Variants in RPF1 observed in about 807,000 individuals in gnomAD.
RPF1 encodes ribosome production factor 1.
In RPF1, 34 loss-of-function variants were observed where a neutral mutation model predicts 41.9. The observed-to-expected ratio is 0.81, with a 90% CI of 0.62 to 1.08. The LOEUF is 1.08. Ranked by LOEUF, RPF1 falls within the 50% of genes least tolerant of loss-of-function variation. The pLI is 0.00. For synonymous variants in RPF1, 140 were observed against 148.9 expected, an observed-to-expected ratio of 0.94 and a Z score of 0.43; for missense variants, 425 against 435.2, an observed-to-expected ratio of 0.98 and a Z score of 0.21.
Position 84,495,398 on chromosome 1 carries a change from A to G in RPF1, c.642A>G (p.Pro214=), listed in dbSNP as rs760478215. The change falls in exon 6 of 9, where the codon CCA becomes CCG. Residue 214 remains proline, a synonymous_variant. Transcript: ENST00000370654. The part of the protein sequence containing the change: ...TPNGLILSHL[P]NGPTAHFKMS... ...ATGGACTTATTTTGAGTCACTTGCC[A>G]AATGGCCCAACTGCTCATTTTAAAA... is the stretch of plus-strand genomic sequence containing the variant. 7 of 1,528,170 alleles carry G rather than the reference A, an allele frequency of 4.6e-6. No individual in the cohort carries two copies. Among genetic ancestry groups the G allele is most frequent in the Non-Finnish European group, 5.4e-6 (6 of 1,114,502 alleles). The allele number at this position is 1,528,170 out of a possible 1,614,324, so 94.7% of individuals were successfully genotyped here.
In RPF1 at chr1:84,497,915, G is replaced by A. The variant is rs1681972843; in HGVS notation, c.*445G>A. The A allele has an allele frequency of 1.3e-5, 2 of 152,832 alleles. No individual in the cohort carries two copies. Among genetic ancestry groups the A allele is most frequent in the African/African-American group, 4.8e-5 (2 of 41,412 alleles). The allele number at this position is 152,832 out of a possible 1,614,324, so 9.5% of individuals were successfully genotyped here. The stretch of plus-strand genomic sequence containing the variant: ...TAACATTCTCTTAAGCCTTCAGAAG[G>A]GTAAAAAATTTAAAGCAAAATGATC... On this transcript the variant is annotated 3_prime_UTR_variant, in exon 9 of 9. Coordinates refer to ENST00000370654, the MANE Select transcript of RPF1 (RefSeq NM_025065.7).
intron 5 of RPF1, among the ~76,000 whole-genome samples, chr1:84,490,814 T>C (rs1348564081): frequency 6.6e-6 from 1 of 152,082 alleles, no homozygotes; most frequent in Non-Finnish European, 1.5e-5. Flanking sequence ...CAGGATATAG[T>C]GGGGACCCTG....
intron 8 of RPF1, among the ~76,000 whole-genome samples, chr1:84,496,986 C>G (rs968367645): frequency 6.6e-6 from 1 of 152,008 alleles, no homozygotes. Flanking sequence ...ATTCTCCTGC[C>G]TCAGCCTCCC....
intron 5 of RPF1, among the ~76,000 whole-genome samples, chr1:84,491,821 T>C (rs1681840562): frequency 6.6e-6 from 1 of 152,204 alleles, no homozygotes; most frequent in African/African-American, 2.4e-5. Flanking sequence ...GGGTGTTTTA[T>C]ATAGTCACAC....
At position 84,483,011 on chromosome 1, in the gene RPF1, T is replaced by TAACATTAGTTAGAAGTC; in HGVS notation, c.366+16_366+17insAACATTAGTTAGAAGTC. The TAACATTAGTTAGAAGTC allele has an allele frequency of 2.8e-6, 4 of 1,433,486 alleles. No homozygotes were observed. Among genetic ancestry groups the TAACATTAGTTAGAAGTC allele is most frequent in the Non-Finnish European group, 3.9e-6 (4 of 1,015,606 alleles). 88.8% of individuals were successfully genotyped at this position (1,433,486 alleles called of 1,614,324 possible). A position where few individuals can be genotyped will look rare whatever the true frequency, so the allele number is the denominator to read the frequency against. ...TGATGAAGAGGTAATGTTAGAAGTCTTAAATTAGTTTGAATGATCACATAT... is the reference window on the plus strand; with the variant it reads ...TGATGAAGAGGTAATGTTAGAAGTCTAACATTAGTTAGAAGTCTAAATTAGTTTGAATGATCACATAT... On this transcript the variant is annotated intron_variant, in intron 3 of 8. Transcript: ENST00000370654.
rs969742097 is a variant in RPF1 at position 84,492,603 on chromosome 1, A to G, written c.616+2131A>G. Among the ~76,000 whole-genome samples, 76 of 152,354 alleles carry G rather than the reference A, an allele frequency of 5.0e-4. 1 individual carries two copies. Among genetic ancestry groups the G allele is most frequent in the African/African-American group, 1.8e-3 (76 of 41,586 alleles). On this transcript the variant is annotated intron_variant, in intron 5 of 8. Coordinates refer to ENST00000370654, the MANE Select transcript of RPF1 (RefSeq NM_025065.7). The stretch of plus-strand genomic sequence containing the variant: ...TCACATTAAATGTATTATGTTTATA[A>G]AGCATAGTGTCTGGCACATGGTAGG...
chr1:84,497,254 A>T (rs1021531215), intron 8 of RPF1, among the ~76,000 whole-genome samples, 175 bp from the exon 9 acceptor site: 3 of 151,718 alleles, frequency 2.0e-5, no homozygotes, highest in Non-Finnish European at 4.4e-5. Flanking sequence ...GTAACTGCCA[A>T]CATCTTTTAT....
rs201871326 is a variant in RPF1 at position 84,496,338 on chromosome 1, T to G, written c.976T>G (p.Ser326Ala). 86 of 1,612,716 alleles carry G rather than the reference T, an allele frequency of 5.3e-5. No individual in the cohort carries two copies. The African/African-American group carries it at 8.8e-4, about 17-fold the overall frequency. Residue 326 changes from serine to alanine, a missense_variant, in exon 8 of 9, where the codon TCT becomes GCT. Transcript: ENST00000370654. Reference sequence around the variant, plus strand: ...GTCTCTTCAGAAAGGAACCTTTGATTCTAAATATGGAGAGTATGAATGGGT... The same window carrying G: ...GTCTCTTCAGAAAGGAACCTTTGATGCTAAATATGGAGAGTATGAATGGGT... ...LRSLQKGTFD[S>A]KYGEYEWVHK... is the part of the protein sequence containing the mutation.
intron 1 of RPF1, among the ~76,000 whole-genome samples, chr1:84,479,760 A>G (rs1429528843): frequency 1.3e-5 from 2 of 152,196 alleles, no homozygotes; most frequent in Non-Finnish European, 2.9e-5. Context: ...CTAGATTCAC[A>G]AGGAAAGCTG....
At chr1:84,482,414 G>A (rs1681665801) in intron 2 of RPF1, among the ~76,000 whole-genome samples, 1 of 152,068 alleles carries the variant, frequency 6.6e-6, no homozygotes, top group East Asian at 1.9e-4. Flanking sequence ...GGGATACTAT[G>A]TATTTCTTCG....
At chr1:84,490,963 G>C (rs1157779207) in intron 5 of RPF1, among the ~76,000 whole-genome samples, 1 of 152,194 alleles carries the variant, frequency 6.6e-6, no homozygotes, top group African/African-American at 2.4e-5. Flanking sequence ...CATTTGGAAA[G>C]AGAGGAAGGA....
intron 1 of RPF1, 93 bp from the exon 2 acceptor site, chr1:84,480,863 T>C (rs1681633167): frequency 1.4e-6 from 1 of 691,294 alleles, no homozygotes; most frequent in African/African-American, 1.8e-5. Context: ...CCAGTTCGAG[T>C]ATTCATAGCA....
chr1:84,495,223 G>T, intron 5 of RPF1, 150 bp from the exon 6 acceptor site: 2 of 567,676 alleles, frequency 3.5e-6, no homozygotes, highest in Non-Finnish European at 6.1e-6. Flanking sequence ...TTTTGATATG[G>T]TAGGAAAATG....
chr1:84,481,963 T>A (rs576332607), intron 2 of RPF1, among the ~76,000 whole-genome samples: 1 of 152,326 alleles, frequency 6.6e-6, no homozygotes, highest in East Asian at 1.9e-4. Flanking sequence ...TGTTTTGACC[T>A]GCAGTATCCT....
At chr1:84,480,091 GA>G (rs1344487680) in intron 1 of RPF1, among the ~76,000 whole-genome samples, 6 of 152,176 alleles carry the variant, frequency 3.9e-5, no homozygotes, top group Non-Finnish European at 8.8e-5. Flanking sequence ...ATTGCAATTG[GA>G]AGAAAACGTT....
intron 5 of RPF1, among the ~76,000 whole-genome samples, chr1:84,491,246 A>C (rs999075458): frequency 2.0e-5 from 3 of 152,204 alleles, no homozygotes; most frequent in African/African-American, 7.2e-5. Flanking sequence ...TTATTGAATG[A>C]TGGCTATGAG....
Position 84,496,091 on chromosome 1 carries a change from G to A in RPF1, c.881+28G>A, listed in dbSNP as rs369066394. On this transcript the variant is annotated intron_variant, in intron 7 of 8. Transcript: ENST00000370654. The stretch of plus-strand genomic sequence containing the variant: ...GAGGAAGGTAAACTCATTGAACTTT[G>A]ATTTCAATTATGAAATATATTTTCA... 73 of 1,529,024 alleles carry A rather than the reference G, an allele frequency of 4.8e-5. 1 individual carries two copies. Among genetic ancestry groups the A allele is most frequent in the Admixed American group, 3.3e-4 (17 of 51,680 alleles). 94.7% of individuals were successfully genotyped at this position (1,529,024 alleles called of 1,614,324 possible). A position where few individuals can be genotyped will look rare whatever the true frequency, so the allele number is the denominator to read the frequency against.
chr1:84,481,050 A>C (rs181595518), intron 2 of RPF1, 38 bp downstream of exon 2: 228 of 1,177,518 alleles, frequency 1.9e-4, no homozygotes, highest in Middle Eastern at 1.2e-3. Flanking sequence ...TCTATCTTAT[A>C]TTAGGGAATC....
At chr1:84,480,629 A>G (rs558888765) in intron 1 of RPF1, among the ~76,000 whole-genome samples, 3 of 152,236 alleles carry the variant, frequency 2.0e-5, no homozygotes, top group Admixed American at 1.3e-4. Flanking sequence ...TAGGCAAAAC[A>G]AAACACAGTG....
Sources: gnomAD v4.1 joint callset for allele counts (sites outside exome capture counted in the v4.1 genomes callset) on GRCh38, gnomAD v4.1.1 for gene constraint, MANE v1.5 for transcripts, NCBI Gene and HGNC (gene_info 2026-07-23, HGNC 2026-07-21) for gene names.